Variants in MFSD6 observed in about 807,000 individuals in gnomAD.
The protein encoded by MFSD6 is major facilitator superfamily domain containing 6, also known as major facilitator superfamily domain-containing protein 6.
MFSD6 carries 26 observed loss-of-function variants against 56.3 expected under a neutral mutation model. The ratio of observed to expected loss-of-function variants is 0.46; its 90% CI spans 0.34 to 0.64. The LOEUF is 0.64. MFSD6 is among the 30% of genes least tolerant of loss of function. MFSD6 has a pLI of 0.01. For synonymous variants in MFSD6, 331 were observed against 366.9 expected (o/e 0.90, Z 1.12); for missense variants, 750 against 986.2 (o/e 0.76, Z 3.21).
intron 2 of MFSD6, among the ~76,000 whole-genome samples, chr2:190,428,654 C>CATTTATTTATTTATTTAT (rs1559106005): frequency 9.2e-6 from 1 of 108,330 alleles, no homozygotes; most frequent in Non-Finnish European, 1.8e-5. Flanking sequence ...GAGATGCTTG[C>CATTTATTTATTTATTTAT]TTATTTATTT....
rs1042460635 is a variant in MFSD6 at position 190,499,878 on chromosome 2, C to G, written c.2173-137C>G. The stretch of plus-strand genomic sequence containing the variant: ...AAAGGTAAGACATTCTATCCTTATT[C>G]CTCTATTACTTGGTCCCTGAAATGG... On this transcript the variant is annotated intron_variant, in intron 7 of 7. Coordinates refer to ENST00000392328, the MANE Select transcript of MFSD6 (RefSeq NM_017694.4). This position sits in a 1 kb window ranked among gnomAD's most constrained non-coding sequence, Gnocchi z 6.0. 4 of 1,555,350 alleles carry G rather than the reference C, an allele frequency of 2.6e-6. No homozygotes were observed. Among genetic ancestry groups the G allele is most frequent in the Non-Finnish European group, 3.5e-6 (4 of 1,148,878 alleles).
rs527290945 is a variant in MFSD6, at chr2:190,426,386, T to A, written c.-53-9591T>A. Among the ~76,000 whole-genome samples the A allele has an allele frequency of 2.0e-5, 3 of 152,360 alleles. No individual in the cohort carries two copies. The highest frequency in any genetic ancestry group is 4.4e-5 in the Non-Finnish European group (3 of 68,028). ...GTATTTTCCAGTTATAAGTTTTCCA[T>A]TTTTTCTTCCATTTCTTTGCTGAGA... On this transcript the variant is annotated intron_variant, in intron 2 of 7. Coordinates refer to ENST00000392328, the MANE Select transcript of MFSD6 (RefSeq NM_017694.4). The surrounding 1 kb of genome is among the most constrained non-coding windows in gnomAD (Gnocchi z 4.7).
intron 3 of MFSD6, among the ~76,000 whole-genome samples, chr2:190,440,512 T>G (rs1686333553): frequency 6.6e-6 from 1 of 152,238 alleles, no homozygotes; most frequent in East Asian, 1.9e-4. Context: ...AGGATATAAA[T>G]GTATCTTAAG....
At chr2:190,449,900 A>T (rs527542281) in intron 3 of MFSD6, among the ~76,000 whole-genome samples, 36 of 152,146 alleles carry the variant, frequency 2.4e-4, no homozygotes, top group Admixed American at 8.5e-4. Context: ...GCTTTAGGAG[A>T]TATACCTAAT....
rs914007303 is a variant in MFSD6, at chr2:190,491,225, G to A, written c.1891+1359G>A. Among the ~76,000 whole-genome samples, 1 of 152,202 alleles carries A rather than the reference G, an allele frequency of 6.6e-6. No individual in the cohort carries two copies. The highest frequency in any genetic ancestry group is 2.4e-5 in the African/African-American group (1 of 41,444). On this transcript the variant is annotated intron_variant, in intron 6 of 7. Transcript: ENST00000392328. This position sits in a 1 kb window ranked among gnomAD's most constrained non-coding sequence, Gnocchi z 4.2. Reference sequence around the variant, plus strand: ...CTGGGTTAGTTTTTAAAATACTTGTGTTCTGGAGAGACTGTTATTGGGAAA... The same window carrying A: ...CTGGGTTAGTTTTTAAAATACTTGTATTCTGGAGAGACTGTTATTGGGAAA...
At chr2:190,460,590 A>T (rs1043394431) in intron 3 of MFSD6, among the ~76,000 whole-genome samples, 3 of 152,258 alleles carry the variant, frequency 2.0e-5, no homozygotes, top group Non-Finnish European at 4.4e-5. Context: ...AGCCAGCATA[A>T]TATGAAAGTC....
rs186553947 is a variant in MFSD6 at position 190,438,113 on chromosome 2, T to G, written c.1532+552T>G. 1.5e-3 allele frequency among the ~76,000 whole-genome samples: 235 copies of G among 152,272 alleles called. 1 individual carries two copies. Among genetic ancestry groups the G allele is most frequent in the African/African-American group, 5.3e-3 (221 of 41,548 alleles). The stretch of plus-strand genomic sequence containing the variant: ...GGATGAGGTTCTTAAGTATTTTTTT[T>G]GGGTTATTACATGACTCCCTGCATT... On this transcript the variant is annotated intron_variant, in intron 3 of 7. Transcript: ENST00000392328. The surrounding 1 kb of genome is among the most constrained non-coding windows in gnomAD (Gnocchi z 5.2).
intron 6 of MFSD6, among the ~76,000 whole-genome samples, chr2:190,493,467 C>G (rs557583538): frequency 6.6e-6 from 1 of 152,254 alleles, no homozygotes; most frequent in South Asian, 2.1e-4. Flanking sequence ...CAGCACTAGA[C>G]AGGACATCAA....
chr2:190,500,065 C>G lies in MFSD6; in HGVS notation c.2223C>G (p.Val741=). Residue 741 remains valine, a synonymous_variant, in exon 8 of 8, where the codon GTC becomes GTG. Transcript: ENST00000392328. The surrounding 1 kb of genome is among the most constrained non-coding windows in gnomAD (Gnocchi z 5.3). ...ENSPAGRAQP[V]PCETHSDPSR... ...CTCCTGCTGGTAGAGCCCAGCCTGT[C>G]CCATGTGAGACTCACTCTGACCCAT... 6.2e-7 allele frequency: 1 copy of G among 1,614,238 alleles called. No individual in the cohort carries two copies.
chr2:190,481,039 T>C (rs1688634163), intron 4 of MFSD6, among the ~76,000 whole-genome samples: 1 of 152,228 alleles, frequency 6.6e-6, no homozygotes, highest in Non-Finnish European at 1.5e-5. Context: ...ACACTATTAA[T>C]AAAGTTATCT....
upstream of MFSD6, among the ~76,000 whole-genome samples, chr2:190,407,887 A>T (rs1219528271): frequency 6.6e-6 from 1 of 152,164 alleles, no homozygotes; most frequent in African/African-American, 2.4e-5. This position sits in a 1 kb window ranked among gnomAD's most constrained non-coding sequence, Gnocchi z 5.4. Context: ...GCGCTCAAGG[A>T]ATAAGGGATG....
rs1230049389 is a variant in MFSD6 at position 190,458,396 on chromosome 2, A to G, written c.1533-11362A>G. On this transcript the variant is annotated intron_variant, in intron 3 of 7. Coordinates refer to ENST00000392328, the MANE Select transcript of MFSD6 (RefSeq NM_017694.4). The surrounding 1 kb of genome is among the most constrained non-coding windows in gnomAD (Gnocchi z 5.3). ...AGATAGGCGATGACACAGGGAGAGG[A>G]TGACTTGTCTGCAAGCCAACGAGAG... Among the ~76,000 whole-genome samples the G allele has an allele frequency of 6.6e-6, 1 of 152,128 alleles. No individual in the cohort carries two copies. The highest frequency in any genetic ancestry group is 2.4e-5 in the African/African-American group (1 of 41,434).
chr2:190,451,632 C>T lies in MFSD6; in HGVS notation c.1532+14071C>T, dbSNP rs1264463055. On this transcript the variant is annotated intron_variant, in intron 3 of 7. Coordinates refer to ENST00000392328, the MANE Select transcript of MFSD6 (RefSeq NM_017694.4). This position sits in a 1 kb window ranked among gnomAD's most constrained non-coding sequence, Gnocchi z 5.0. Reference sequence around the variant, plus strand: ...CTGAGGAGAAGCAATTGTTTCAGCTCGGTTAGGCTGGGAGACTTTCCCTGA... The same window carrying T: ...CTGAGGAGAAGCAATTGTTTCAGCTTGGTTAGGCTGGGAGACTTTCCCTGA... Among the ~76,000 whole-genome samples, 2 of 152,132 alleles carry T rather than the reference C, an allele frequency of 1.3e-5. No homozygotes were observed. Among genetic ancestry groups the T allele is most frequent in the Non-Finnish European group, 1.5e-5 (1 of 68,030 alleles).
upstream of MFSD6, among the ~76,000 whole-genome samples, chr2:190,407,970 G>A: frequency 6.6e-6 from 1 of 150,914 alleles, no homozygotes. This position sits in a 1 kb window ranked among gnomAD's most constrained non-coding sequence, Gnocchi z 5.4. Flanking sequence ...GCTTGGGGGT[G>A]CGGGGGGGTG....
chr2:190,431,531 C>T lies in MFSD6; in HGVS notation c.-53-4446C>T, dbSNP rs1004489214. On this transcript the variant is annotated intron_variant, in intron 2 of 7. Transcript: ENST00000392328. This position sits in a 1 kb window ranked among gnomAD's most constrained non-coding sequence, Gnocchi z 4.4. Reference sequence around the variant, plus strand: ...TAGCCCGGCCAACACAGCGAAACCCCGTCTCCACCAAAAAAATACGAAAAC... The same window carrying T: ...TAGCCCGGCCAACACAGCGAAACCCTGTCTCCACCAAAAAAATACGAAAAC... 5.3e-5 allele frequency among the ~76,000 whole-genome samples: 8 copies of T among 152,202 alleles called. No individual in the cohort carries two copies. Among genetic ancestry groups the T allele is most frequent in the African/African-American group, 1.4e-4 (6 of 41,454 alleles).
Position 190,425,830 on chromosome 2 carries a change from T to C in MFSD6, c.-53-10147T>C, listed in dbSNP as rs2125014033. Among the ~76,000 whole-genome samples the C allele has an allele frequency of 6.6e-6, 1 of 152,318 alleles. No individual in the cohort carries two copies. Among genetic ancestry groups the C allele is most frequent in the Middle Eastern group, 3.4e-3 (1 of 294 alleles). On this transcript the variant is annotated intron_variant, in intron 2 of 7. Coordinates refer to ENST00000392328, the MANE Select transcript of MFSD6 (RefSeq NM_017694.4). This position sits in a 1 kb window ranked among gnomAD's most constrained non-coding sequence, Gnocchi z 4.3. ...TCTGTTTTTTTGGACAGTCTTTTTT[T>C]CTGGATATAGCATTCTGCATTGACA...
chr2:190,458,420 A>C lies in MFSD6; in HGVS notation c.1533-11338A>C, dbSNP rs1478366457. ...GATGACTTGTCTGCAAGCCAACGAG[A>C]GGGGCCCTGGAGAAACCAACATTGC... On this transcript the variant is annotated intron_variant, in intron 3 of 7. Coordinates refer to ENST00000392328, the MANE Select transcript of MFSD6 (RefSeq NM_017694.4). This position sits in a 1 kb window ranked among gnomAD's most constrained non-coding sequence, Gnocchi z 5.3. 6.6e-6 allele frequency among the ~76,000 whole-genome samples: 1 copy of C among 152,020 alleles called. No individual in the cohort carries two copies. Among genetic ancestry groups the C allele is most frequent in the Non-Finnish European group, 1.5e-5 (1 of 68,010 alleles).
In MFSD6 at chr2:190,500,229, C is replaced by T. The variant is rs770934125; in HGVS notation, c.*11C>T. 1 of 1,613,888 alleles carries T rather than the reference C, an allele frequency of 6.2e-7. No homozygotes were observed. The highest frequency in any genetic ancestry group is 2.2e-5 in the East Asian group (1 of 44,882). On this transcript the variant is annotated 3_prime_UTR_variant, in exon 8 of 8. Coordinates refer to ENST00000392328, the MANE Select transcript of MFSD6 (RefSeq NM_017694.4). The surrounding 1 kb of genome is among the most constrained non-coding windows in gnomAD (Gnocchi z 5.3). The stretch of plus-strand genomic sequence containing the variant: ...GCGGGAGGACACTGAGGGCATCCTG[C>T]TCATCTCACACCCTGCATGGAATCA...
At chr2:190,474,702 C>T (rs1229115181) in intron 4 of MFSD6, among the ~76,000 whole-genome samples, 1 of 152,190 alleles carries the variant, frequency 6.6e-6, no homozygotes, top group Non-Finnish European at 1.5e-5. Context: ...GGGAATCCTC[C>T]CTAACTCATT....
Sources: allele counts gnomAD v4.1 joint callset (sites outside exome capture counted in the v4.1 genomes callset), GRCh38; gene constraint gnomAD v4.1.1; non-coding constraint Gnocchi (gnomAD v3.1); transcripts MANE v1.5; gene names NCBI Gene and HGNC (gene_info 2026-07-23, HGNC 2026-07-21).